Variants in GAPDHS observed in about 807,000 individuals in gnomAD.
The protein encoded by GAPDHS is glyceraldehyde-3-phosphate dehydrogenase, testis-specific.
Under a neutral mutation model 48.7 loss-of-function variants are expected in GAPDHS, and 42 were observed. That is an observed-to-expected ratio of 0.86 (90% confidence interval 0.67 to 1.12). The LOEUF (loss-of-function observed/expected upper bound fraction) is 1.12, where lower values mean the gene tolerates loss of function less well. Among genes scored for constraint, GAPDHS ranks in the 50% most tolerant of loss-of-function variants. The probability of loss-of-function intolerance (pLI) is 0.00; values close to 1 mark genes in which losing one functional copy is unlikely to be tolerated. For synonymous variants in GAPDHS, 166 were observed against 219.1 expected (o/e 0.76, Z 2.14); for missense variants, 512 against 557.7 (o/e 0.92, Z 0.82).
Position 35,543,495 on chromosome 19 carries a change from T to G in GAPDHS, c.893+4T>G. Reference sequence around the variant, plus strand: ...AAGTCATCCCAGAGCTCAAAGGGTATGAGGACAAGAAGCTGCAACCAGGGT... The same window carrying G: ...AAGTCATCCCAGAGCTCAAAGGGTAGGAGGACAAGAAGCTGCAACCAGGGT... On this transcript the variant is annotated splice_donor_region_variant and intron_variant, in intron 8 of 10. Transcript: ENST00000222286. 1 of 1,600,396 alleles carries G rather than the reference T, an allele frequency of 6.2e-7. No individual in the cohort carries two copies. Among genetic ancestry groups the G allele is most frequent in the Non-Finnish European group, 8.5e-7 (1 of 1,175,182 alleles).
intron 1 of GAPDHS, among the ~76,000 whole-genome samples, chr19:35,536,589 C>A (rs987593848): frequency 6.6e-6 from 1 of 151,494 alleles, no homozygotes; most frequent in South Asian, 2.1e-4. Context: ...AAAAAAAAAA[C>A]AACGGAAGTA....
At chr19:35,535,263 G>A (rs1052814170) in intron 1 of GAPDHS, among the ~76,000 whole-genome samples, 1 of 152,192 alleles carries the variant, frequency 6.6e-6, no homozygotes, top group East Asian at 1.9e-4. Flanking sequence ...GTGCAGTCTG[G>A]GAGCAGGAGT....
chr19:35,539,861 T>C (rs1456616691), intron 4 of GAPDHS, among the ~76,000 whole-genome samples: 1 of 152,174 alleles, frequency 6.6e-6, no homozygotes. Context: ...GCCACCACCA[T>C]TACCGCCACT....
At position 35,545,019 on chromosome 19, in the gene GAPDHS, G is replaced by C; in HGVS notation, c.1154+13G>C. ...AGCTCATTTCATGGTAAGGGGGAAG[G>C]AGCTGGAGACTTAGAGGGAGGGGAA... is the stretch of plus-strand genomic sequence containing the variant. On this transcript the variant is annotated intron_variant, in intron 10 of 10. Transcript: ENST00000222286. 2 of 1,610,328 alleles carry C rather than the reference G, an allele frequency of 1.2e-6. No individual in the cohort carries two copies. Among genetic ancestry groups the C allele is most frequent in the Non-Finnish European group, 1.7e-6 (2 of 1,176,474 alleles).
Position 35,544,933 on chromosome 19 carries a change from G to T in GAPDHS, c.1081G>T (p.Asp361Tyr), listed in dbSNP as rs2071534516. ...GGTCGTCTCTACGGACTTCCTCGGT[G>T]ATACCCACTCGTCCATCTTCGATGC... ...DEVVSTDFLG[D>Y]THSSIFDAKA... Residue 361 changes from aspartate (D) to tyrosine (Y), a missense_variant, in exon 10 of 11, where the codon GAT becomes TAT. Physicochemically the swap from Asp to Tyr is radical, Grantham distance 160. Coordinates refer to ENST00000222286, the MANE Select transcript of GAPDHS (RefSeq NM_014364.5). 1 of 1,613,216 alleles carries T rather than the reference G, an allele frequency of 6.2e-7. No homozygotes were observed. The highest frequency in any genetic ancestry group is 8.5e-7 in the Non-Finnish European group (1 of 1,179,232).
At chr19:35,537,918 A>G (rs953592932) in intron 2 of GAPDHS, among the ~76,000 whole-genome samples, 14 of 152,150 alleles carry the variant, frequency 9.2e-5, no homozygotes, top group Admixed American at 7.2e-4. Flanking sequence ...TCTATTAAAA[A>G]TACAAAAATT....
intron 1 of GAPDHS, among the ~76,000 whole-genome samples, chr19:35,535,776 T>C (rs545876281): frequency 1.3e-5 from 2 of 150,812 alleles, no homozygotes; most frequent in Admixed American, 1.3e-4. Flanking sequence ...CAGGTGATTT[T>C]TTTTTTTTTT....
Position 35,538,408 on chromosome 19 carries a change from G to A in GAPDHS, c.342+5G>A. The A allele has an allele frequency of 7.1e-7, 1 of 1,413,134 alleles. No homozygotes were observed. The highest frequency in any genetic ancestry group is 1.0e-6 in the Non-Finnish European group (1 of 1,001,238). 87.5% of individuals were successfully genotyped at this position (1,413,134 alleles called of 1,614,324 possible). A position where few individuals can be genotyped will look rare whatever the true frequency, so the allele number is the denominator to read the frequency against. The stretch of plus-strand genomic sequence containing the variant: ...TTCATTGACCCGGAATACATGGTCA[G>A]TAGCTGGCAGAGGGCAGGAACAGCA... On this transcript the variant is annotated splice_donor_5th_base_variant and intron_variant, in intron 3 of 10. Coordinates refer to ENST00000222286, the MANE Select transcript of GAPDHS (RefSeq NM_014364.5).
At chr19:35,536,578 GAA>G (rs144468847) in intron 1 of GAPDHS, among the ~76,000 whole-genome samples, 12 of 146,130 alleles carry the variant, frequency 8.2e-5, no homozygotes, top group African/African-American at 3.0e-4. Context: ...TCTGTCTCGG[GAA>G]AAAAAAAACA....
chr19:35,539,007 G>A (rs1416784347), intron 4 of GAPDHS, among the ~76,000 whole-genome samples: 21 of 151,978 alleles, frequency 1.4e-4, no homozygotes, highest in South Asian at 2.1e-4. Context: ...TTGACCTCCC[G>A]GGCTCAAGTG....
rs1425171094 is a variant in GAPDHS at position 35,533,544 on chromosome 19, T to C, written c.17T>C (p.Ile6Thr). The C allele has an allele frequency of 6.2e-7, 1 of 1,613,624 alleles. No individual in the cohort carries two copies. The highest frequency in any genetic ancestry group is 8.5e-7 in the Non-Finnish European group (1 of 1,179,952). ...TAAGAGGCCATGTCGAAGCGCGACA[T>C]CGTCCTCACCAATGTCACCGTTGTC... MSKRD[I>T]VLTNVTVVQL... Residue 6 changes from isoleucine (I) to threonine (T), a missense_variant, in exon 1 of 11, where the codon ATC becomes ACC. By Grantham distance (89) the Ile-to-Thr change is moderately conservative. Coordinates refer to ENST00000222286, the MANE Select transcript of GAPDHS (RefSeq NM_014364.5).
In GAPDHS at chr19:35,544,973, C is replaced by T. The variant is rs753380319; in HGVS notation, c.1121C>T (p.Ala374Val). The change falls in exon 10 of 11, where the codon GCG becomes GTG. Residue 374 changes from alanine to valine, a missense_variant. Transcript: ENST00000222286. ...SSIFDAKAGI[A>V]LNDNFVKLIS... ...ATCTTCGATGCTAAGGCCGGCATTG[C>T]GCTCAATGACAATTTCGTGAAGCTC... 27 of 1,613,424 alleles carry T rather than the reference C, an allele frequency of 1.7e-5. No individual in the cohort carries two copies. The highest frequency in any genetic ancestry group is 2.2e-5 in the Non-Finnish European group (26 of 1,179,362).
intron 1 of GAPDHS, among the ~76,000 whole-genome samples, chr19:35,534,340 C>A (rs1255930685): frequency 6.6e-6 from 1 of 152,190 alleles, no homozygotes; most frequent in South Asian, 2.1e-4. Context: ...GTCCAGGAGA[C>A]CCTGGAAGAC....
At chr19:35,533,617 CG>C in intron 1 of GAPDHS, 23 bp downstream of exon 1, 2 of 1,591,118 alleles carry the variant, frequency 1.3e-6, no homozygotes, top group Non-Finnish European at 1.7e-6. Context: ...GCGGAGGGCG[CG>C]GGGGAGGGGT....
chr19:35,542,923 G>A (rs2293681), intron 6 of GAPDHS, 22 bp from the exon 7 acceptor site: 261,512 of 1,595,604 alleles, frequency 0.16, 23,406 homozygotes, highest in Non-Finnish European at 0.18. Flanking sequence ...CACAGTGTCC[G>A]TGCACACCTT....
Position 35,544,974 on chromosome 19 carries a change from G to C in GAPDHS, c.1122G>C (p.Ala374=), listed in dbSNP as rs1400235452. 1.2e-6 allele frequency: 2 copies of C among 1,613,652 alleles called. No homozygotes were observed. Among genetic ancestry groups the C allele is most frequent in the African/African-American group, 2.7e-5 (2 of 74,924 alleles). The part of the protein sequence containing the change: ...SSIFDAKAGI[A]LNDNFVKLIS... ...TCTTCGATGCTAAGGCCGGCATTGC[G>C]CTCAATGACAATTTCGTGAAGCTCA... The change falls in exon 10 of 11, where the codon GCG becomes GCC. Residue 374 remains alanine (A), a synonymous_variant. Transcript: ENST00000222286.
chr19:35,541,690 T>C (rs1178760978), intron 4 of GAPDHS: 2 of 150,500 alleles, frequency 1.3e-5, no homozygotes, highest in African/African-American at 4.9e-5. Flanking sequence ...ATACAAATGT[T>C]TGTCAAAATA....
intron 1 of GAPDHS, among the ~76,000 whole-genome samples, chr19:35,534,527 G>A (rs1369702926): frequency 6.6e-6 from 1 of 152,240 alleles, no homozygotes; most frequent in Non-Finnish European, 1.5e-5. Flanking sequence ...CTAGCCCCCA[G>A]GCTTTTCTCC....
Position 35,533,490 on chromosome 19 carries a change from A to G in GAPDHS, c.-38A>G, listed in dbSNP as rs888579572. ...GCTCCGCACGCACCTCGGTAACATC[A>G]CAGCAGGTCCAGGCCAATGATAACC... On this transcript the variant is annotated 5_prime_UTR_variant, in exon 1 of 11. Coordinates refer to ENST00000222286, the MANE Select transcript of GAPDHS (RefSeq NM_014364.5). 8 of 1,591,200 alleles carry G rather than the reference A, an allele frequency of 5.0e-6. No individual in the cohort carries two copies. The African/African-American group carries it at 5.4e-5, about 11-fold the overall frequency.
Sources: gnomAD v4.1 joint callset for allele counts (sites outside exome capture counted in the v4.1 genomes callset) on GRCh38, gnomAD v4.1.1 for gene constraint, MANE v1.5 for transcripts, NCBI Gene and HGNC (gene_info 2026-07-23, HGNC 2026-07-21) for gene names.